SERPINB6: variants seen among roughly 807,000 people sequenced by gnomAD.
The protein encoded by SERPINB6 is serpin B6.
In SERPINB6, 16 loss-of-function variants were observed where a neutral mutation model predicts 26.1. The observed-to-expected ratio is 0.61, with a 90% confidence interval of 0.42 to 0.93. The LOEUF (loss-of-function observed/expected upper bound fraction) is 0.93, where lower values mean the gene tolerates loss of function less well. Among genes scored for constraint, SERPINB6 ranks in the 40% least tolerant of loss-of-function variants. The probability of loss-of-function intolerance (pLI) is 0.00; values close to 1 mark genes in which losing one functional copy is unlikely to be tolerated. For missense variants in SERPINB6, 420 were observed against 478.0 expected (o/e 0.88, Z 1.13); for synonymous variants, 174 against 176.6 (o/e 0.99, Z 0.11).
At chr6:2,962,644 G>T (rs180979186) in intron 1 of SERPINB6, among the ~76,000 whole-genome samples, 8 of 152,302 alleles carry the variant, frequency 5.3e-5, no homozygotes, top group African/African-American at 1.7e-4. Flanking sequence ...CCATTTCTTA[G>T]TTGAAAACAC....
intron 5 of SERPINB6, among the ~76,000 whole-genome samples, chr6:2,950,275 G>GT (rs1769626752): frequency 6.6e-6 from 1 of 152,272 alleles, no homozygotes; most frequent in Admixed American, 6.5e-5. Flanking sequence ...GCTCATGCCT[G>GT]TAATCCCACC....
chr6:2,969,087 T>C (rs1245549376), intron 1 of SERPINB6: 1 of 1,095,180 alleles, frequency 9.1e-7, no homozygotes, highest in East Asian at 5.4e-5. Flanking sequence ...TAAAAAAGAT[T>C]GGAGAGATCC....
chr6:2,948,743 G>A lies in SERPINB6; in HGVS notation c.730-44C>T. The A allele has an allele frequency of 6.3e-7, 1 of 1,588,650 alleles. No individual in the cohort carries two copies. The highest frequency in any genetic ancestry group is 8.6e-7 in the Non-Finnish European group (1 of 1,157,512). On this transcript the variant is annotated intron_variant, in intron 6 of 6. Coordinates refer to ENST00000380539, the MANE Select transcript of SERPINB6 (RefSeq NM_004568.6). This position sits in a 1 kb window ranked among gnomAD's most constrained non-coding sequence, Gnocchi z 5.0. ...AGACTTTAAGACCCAGGGTGCTGCT[G>A]CCCAGCAGGGCCCTGTGCTATGCTG...
intron 1 of SERPINB6, chr6:2,966,986 C>T: frequency 9.1e-6 from 9 of 985,462 alleles, no homozygotes; most frequent in Non-Finnish European, 1.1e-5. Context: ...TTGCTGATTT[C>T]CTCCAGACTG....
intron 4 of SERPINB6, 135 bp from the exon 5 acceptor site, chr6:2,953,321 G>A (rs1477727580): frequency 1.7e-6 from 2 of 1,183,254 alleles, no homozygotes; most frequent in African/African-American, 3.0e-5. Flanking sequence ...AAATATAAAG[G>A]GATACGTGTC....
At chr6:2,957,495 C>G (rs774640545) in intron 2 of SERPINB6, 2 of 152,186 alleles carry the variant, frequency 1.3e-5, no homozygotes, top group Non-Finnish European at 2.9e-5. Context: ...AGGGTGAGGT[C>G]CAAATCCACT....
chr6:2,955,780 A>C, intron 2 of SERPINB6, 110 bp from the exon 3 acceptor site: 1 of 1,251,300 alleles, frequency 8.0e-7, no homozygotes, highest in Non-Finnish European at 1.1e-6. Flanking sequence ...ATTACTGCTT[A>C]AAAGATCTAT....
At chr6:2,955,121 C>CG (rs2113194930) in intron 3 of SERPINB6, 1 of 266,652 alleles carries the variant, frequency 3.8e-6, no homozygotes, top group South Asian at 4.1e-5. Flanking sequence ...ACCCAGAAGG[C>CG]GGAGGTTGCA....
chr6:2,961,863 G>A (rs1771151132), intron 1 of SERPINB6: 2 of 984,618 alleles, frequency 2.0e-6, no homozygotes, highest in Non-Finnish European at 1.2e-6. Flanking sequence ...GTCAGCACAC[G>A]TTTTCCCCTC....
At position 2,948,755 on chromosome 6, in the gene SERPINB6, C is replaced by G; in HGVS notation, c.730-56G>C. 1 of 1,576,518 alleles carries G rather than the reference C, an allele frequency of 6.3e-7. No homozygotes were observed. ...CCAGGGTGCTGCTGCCCAGCAGGGCCCTGTGCTATGCTGTGGATGCCAGAC... is the reference window on the plus strand; with the variant it reads ...CCAGGGTGCTGCTGCCCAGCAGGGCGCTGTGCTATGCTGTGGATGCCAGAC... On this transcript the variant is annotated intron_variant, in intron 6 of 6. Transcript: ENST00000380539. This position sits in a 1 kb window ranked among gnomAD's most constrained non-coding sequence, Gnocchi z 5.0.
chr6:2,969,248 C>G lies in SERPINB6; in HGVS notation c.-11+2285G>C, dbSNP rs950882514. ...AGCAAACGTGTGAGTAACAAGGATG[C>G]CTGTTTCACAGTCACGTTGCAAACT... On this transcript the variant is annotated intron_variant, in intron 1 of 6. Transcript: ENST00000380539. 1.4e-5 allele frequency: 14 copies of G among 985,518 alleles called. No homozygotes were observed. In the African/African-American group the frequency reaches 2.4e-4, roughly 17 times the overall value. The allele number at this position is 985,518 out of a possible 1,614,324, so 61.0% of individuals were successfully genotyped here.
rs1256429895 is a variant in SERPINB6, at chr6:2,949,066, C to T, written c.577G>A (p.Glu193Lys). Reference sequence around the variant, plus strand: ...AACATCATTTGCACAGGTTTCTCCTCATTCTACAAAGAAAACAGATAAACA... The same window carrying T: ...AACATCATTTGCACAGGTTTCTCCTTATTCTACAAAGAAAACAGATAAACA... Reference protein sequence around the residue: ...EERLFKVSKNEEKPVQMMFKQ... With the variant: ...EERLFKVSKNKEKPVQMMFKQ... The change falls in exon 6 of 7, where the codon GAG (glutamate) becomes AAG (lysine). Residue 193 changes from glutamate (E) to lysine (K), a missense_variant. Glu to Lys is a moderately conservative substitution (Grantham distance 56). Transcript: ENST00000380539. 6.2e-7 allele frequency: 1 copy of T among 1,613,938 alleles called. No homozygotes were observed. Among genetic ancestry groups the T allele is most frequent in the African/African-American group, 1.3e-5 (1 of 74,920 alleles).
intron 1 of SERPINB6, chr6:2,968,288 G>A (rs1054500143): frequency 6.3e-6 from 1 of 159,624 alleles, no homozygotes; most frequent in Non-Finnish European, 1.3e-5. Flanking sequence ...ACAAACACTG[G>A]GTCCTATCAG....
At chr6:2,968,646 T>C (rs767784962) in intron 1 of SERPINB6, 9 of 1,224,230 alleles carry the variant, frequency 7.4e-6, no homozygotes, top group Non-Finnish European at 9.1e-6. Flanking sequence ...CCTTTTGTTA[T>C]GGTGGCTGGT....
chr6:2,958,367 T>C (rs768991649), intron 2 of SERPINB6, among the ~76,000 whole-genome samples: 4 of 152,138 alleles, frequency 2.6e-5, no homozygotes, highest in Non-Finnish European at 5.9e-5. Context: ...GCTACATCTG[T>C]GGTGTGCGCA....
At chr6:2,952,970 C>T (rs1399862284) in intron 5 of SERPINB6, 74 bp downstream of exon 5, 2 of 1,602,406 alleles carry the variant, frequency 1.2e-6, no homozygotes, top group African/African-American at 1.3e-5. Flanking sequence ...CCCACGGCTG[C>T]AGACGCGGGA....
At chr6:2,962,057 T>C in intron 1 of SERPINB6, 1 of 985,418 alleles carries the variant, frequency 1.0e-6, no homozygotes, top group African/African-American at 1.7e-5. Flanking sequence ...AATGTCCACC[T>C]AAGAAAGGCT....
intron 1 of SERPINB6, chr6:2,971,262 G>A: frequency 1.2e-6 from 1 of 841,536 alleles, no homozygotes; most frequent in Non-Finnish European, 1.4e-6. Context: ...CCGCGTCGCC[G>A]TTCTCTGCCG....
In SERPINB6 at chr6:2,966,883, G is replaced by A. The variant is rs1771692897; in HGVS notation, c.-11+4650C>T. On this transcript the variant is annotated intron_variant, in intron 1 of 6. Transcript: ENST00000380539. ...TGGCCGAGGCTGGTCCCAAACTCCC[G>A]GCCTCAAGCTATCTTTCCACGTTGG... The A allele has an allele frequency of 4.2e-6, 4 of 943,040 alleles. No homozygotes were observed. In the African/African-American group the frequency reaches 5.3e-5, roughly 13 times the overall value. 58.4% of individuals were successfully genotyped at this position (943,040 alleles called of 1,614,324 possible).
Sources: allele counts gnomAD v4.1 joint callset (sites outside exome capture counted in the v4.1 genomes callset), GRCh38; gene constraint gnomAD v4.1.1; non-coding constraint Gnocchi (gnomAD v3.1); transcripts MANE v1.5; gene names NCBI Gene and HGNC (gene_info 2026-07-23, HGNC 2026-07-21).